KIAA1549L: variants seen among roughly 807,000 people sequenced by gnomAD.
The protein encoded by KIAA1549L is UPF0606 protein KIAA1549L.
In KIAA1549L, 88 loss-of-function variants were observed where a neutral mutation model predicts 160.7. The observed-to-expected ratio is 0.55, with a 90% CI of 0.46 to 0.65. The LOEUF is 0.65. Ranked by LOEUF, KIAA1549L falls within the 30% of genes least tolerant of loss-of-function variation. The pLI is 0.00. For synonymous variants in KIAA1549L, 950 were observed against 976.7 expected, an observed-to-expected ratio of 0.97 and a Z score of 0.51; for missense variants, 2,258 against 2,437.5, an observed-to-expected ratio of 0.93 and a Z score of 1.55.
At chr11:33,500,988 G>A (rs1415854788) in intron 1 of KIAA1549L, among the ~76,000 whole-genome samples, 1 of 151,844 alleles carries the variant, frequency 6.6e-6, no homozygotes, top group Non-Finnish European at 1.5e-5. Context: ...AGTAAGTAGA[G>A]ACAAATTTCC....
chr11:33,547,828 G>T lies in KIAA1549L; in HGVS notation c.3450G>T (p.Gly1150=), dbSNP rs1008674785. The T allele has an allele frequency of 2.5e-6, 4 of 1,613,672 alleles. No homozygotes were observed. Among genetic ancestry groups the T allele is most frequent in the East Asian group, 2.2e-5 (1 of 44,852 alleles). Residue 1150 remains glycine, a synonymous_variant, in exon 4 of 21, where the codon GGG becomes GGT. Transcript: ENST00000658780. Reference sequence around the variant, plus strand: ...CCTTGAAGTTCAGTATCGCCAAAGGGCTCACACAGGCATTGCGGAAGGCTT... The same window carrying T: ...CCTTGAAGTTCAGTATCGCCAAAGGTCTCACACAGGCATTGCGGAAGGCTT... The part of the protein sequence containing the change: ...SESLKFSIAK[G]LTQALRKAFH...
rs1378529627 is a variant in KIAA1549L at position 33,672,346 on chromosome 11, C to G, written c.*4192C>G. ...GCTCTGACTAGCATCTCTGTGATGC[C>G]TAAGGCAAATTTTTGAGGATCTGAT... On this transcript the variant is annotated 3_prime_UTR_variant, in exon 21 of 21. Coordinates refer to ENST00000658780, the MANE Select transcript of KIAA1549L (RefSeq NM_012194.3). 1 of 152,282 alleles carries G rather than the reference C, an allele frequency of 6.6e-6. No homozygotes were observed. The highest frequency in any genetic ancestry group is 2.4e-5 in the African/African-American group (1 of 41,442). The allele number at this position is 152,282 out of a possible 1,614,324, so 9.4% of individuals were successfully genotyped here.
intron 13 of KIAA1549L, among the ~76,000 whole-genome samples, chr11:33,600,929 A>C (rs1024134688): frequency 1.3e-5 from 2 of 151,688 alleles, no homozygotes; most frequent in Non-Finnish European, 2.9e-5. Context: ...CTGGTTCCTG[A>C]CCCCGTCACT....
chr11:33,631,105 C>T (rs896178506), intron 16 of KIAA1549L, among the ~76,000 whole-genome samples: 1 of 152,232 alleles, frequency 6.6e-6, no homozygotes, highest in African/African-American at 2.4e-5. Flanking sequence ...GTCTCCATTA[C>T]TCACCACTGC....
At position 33,639,939 on chromosome 11, in the gene KIAA1549L, G is replaced by T. The variant is rs192560209; in HGVS notation, c.5410-5747G>T. Among the ~76,000 whole-genome samples, 20 of 152,216 alleles carry T rather than the reference G, an allele frequency of 1.3e-4. No homozygotes were observed. The East Asian group carries it at 3.9e-3, about 29-fold the overall frequency. On this transcript the variant is annotated intron_variant, in intron 16 of 20. Transcript: ENST00000658780. ...AAAATAGTGGACTATTAAATATATG[G>T]TAGCCTAAAAACTCCATTTATTAGA...
intron 17 of KIAA1549L, among the ~76,000 whole-genome samples, chr11:33,654,059 A>G (rs1352326314): frequency 6.6e-6 from 1 of 151,948 alleles, no homozygotes; most frequent in Non-Finnish European, 1.5e-5. Flanking sequence ...TGCAACCCCC[A>G]ACTTCTGGAT....
At chr11:33,454,971 C>T (rs558949039) in intron 1 of KIAA1549L, among the ~76,000 whole-genome samples, 1 of 152,210 alleles carries the variant, frequency 6.6e-6, no homozygotes, top group Non-Finnish European at 1.5e-5. Context: ...CGCCTGTAGT[C>T]CCAGCTACTC....
intron 1 of KIAA1549L, among the ~76,000 whole-genome samples, chr11:33,417,074 A>G (rs944844231): frequency 1.3e-5 from 2 of 152,228 alleles, no homozygotes; most frequent in East Asian, 1.9e-4. Context: ...CACCAGCCAC[A>G]TGTGGCTATT....
At chr11:33,578,406 C>T (rs552132220) in intron 10 of KIAA1549L, among the ~76,000 whole-genome samples, 4 of 152,286 alleles carry the variant, frequency 2.6e-5, no homozygotes, top group Non-Finnish European at 5.9e-5. Flanking sequence ...TCTCAGTTCC[C>T]TTCCACAGTC....
intron 16 of KIAA1549L, among the ~76,000 whole-genome samples, chr11:33,639,759 C>T (rs1851537509): frequency 6.6e-6 from 1 of 152,254 alleles, no homozygotes; most frequent in Non-Finnish European, 1.5e-5. Flanking sequence ...AGGCTGGTCT[C>T]GAACTCCTGA....
chr11:33,636,584 A>T (rs947650693), intron 16 of KIAA1549L, among the ~76,000 whole-genome samples: 3 of 151,922 alleles, frequency 2.0e-5, no homozygotes, highest in African/African-American at 7.3e-5. Context: ...ACCAGCCTCG[A>T]CCTCCCAAAG....
In KIAA1549L at chr11:33,408,508, T is replaced by TACACAC. The variant is rs1306230653; in HGVS notation, c.238+31620_238+31621insCACACA. Among the ~76,000 whole-genome samples the TACACAC allele has an allele frequency of 5.4e-5, 8 of 149,134 alleles. 1 individual carries two copies. The highest frequency in any genetic ancestry group is 1.0e-4 in the Non-Finnish European group (7 of 67,520). On this transcript the variant is annotated intron_variant, in intron 1 of 20. Coordinates refer to ENST00000658780, the MANE Select transcript of KIAA1549L (RefSeq NM_012194.3). ...ATATGTGTATATATATATATATATA[T>TACACAC]ATACACATGTATATATGTATACAGA...
At chr11:33,545,864 G>A (rs1397818950) in intron 3 of KIAA1549L, among the ~76,000 whole-genome samples, 1 of 152,178 alleles carries the variant, frequency 6.6e-6, no homozygotes, top group East Asian at 1.9e-4. Context: ...ACAACATCTT[G>A]GGAAGTGCTA....
At chr11:33,557,401 T>A (rs1321673545) in intron 6 of KIAA1549L, among the ~76,000 whole-genome samples, 1 of 152,194 alleles carries the variant, frequency 6.6e-6, no homozygotes, top group Non-Finnish European at 1.5e-5. Context: ...GGTGAAGTTT[T>A]TTAAATTGTT....
chr11:33,581,067 C>T (rs1287403213), intron 10 of KIAA1549L, among the ~76,000 whole-genome samples: 1 of 152,236 alleles, frequency 6.6e-6, no homozygotes, highest in East Asian at 1.9e-4. Context: ...GGAGCAGAGT[C>T]GTAGCTGTGA....
intron 1 of KIAA1549L, among the ~76,000 whole-genome samples, chr11:33,412,733 G>A (rs747084988): frequency 6.6e-6 from 1 of 152,182 alleles, no homozygotes; most frequent in Non-Finnish European, 1.5e-5. Flanking sequence ...ATGTGCTGGT[G>A]TCTGTTTGAC....
chr11:33,382,723 C>A (rs1005878234), intron 1 of KIAA1549L, among the ~76,000 whole-genome samples: 1 of 152,142 alleles, frequency 6.6e-6, no homozygotes, highest in Non-Finnish European at 1.5e-5. Context: ...TGTCCCAAAT[C>A]TTGCCTCCCA....
intron 15 of KIAA1549L, among the ~76,000 whole-genome samples, chr11:33,614,964 C>A (rs984455290): frequency 3.6e-4 from 55 of 151,888 alleles, no homozygotes; most frequent in African/African-American, 1.3e-3. Flanking sequence ...CATGCCATAC[C>A]TAAATAATAA....
intron 11 of KIAA1549L, among the ~76,000 whole-genome samples, chr11:33,589,392 C>T (rs988300688): frequency 6.6e-6 from 1 of 152,138 alleles, no homozygotes; most frequent in Non-Finnish European, 1.5e-5. Flanking sequence ...ACCATTTGAC[C>T]CAGCCATCCC....
Sources: gnomAD v4.1 joint callset for allele counts (sites outside exome capture counted in the v4.1 genomes callset) on GRCh38, gnomAD v4.1.1 for gene constraint, MANE v1.5 for transcripts, NCBI Gene and HGNC (gene_info 2026-07-23, HGNC 2026-07-21) for gene names.